Variants in LNPK observed in about 807,000 individuals in gnomAD.
The protein encoded by LNPK is lunapark, ER junction formation factor.
In LNPK, 29 loss-of-function variants were observed where a neutral mutation model predicts 55.2. The observed-to-expected ratio is 0.53, with a 90% CI of 0.39 to 0.72. The LOEUF (loss-of-function observed/expected upper bound fraction) is 0.72. Ranked by LOEUF, LNPK falls within the 30% of genes least tolerant of loss-of-function variation. The pLI is 0.00. For synonymous variants in LNPK, 162 were observed against 168.2 expected (o/e 0.96, Z 0.29); for missense variants, 467 against 494.8 (o/e 0.94, Z 0.53).
chr2:175,939,783 T>A, intron 9 of LNPK, 126 bp from the exon 10 acceptor site: 1 of 504,462 alleles, frequency 2.0e-6, no homozygotes, highest in Non-Finnish European at 3.5e-6. Context: ...AGCAAAATAC[T>A]AATTCTTATA....
At chr2:175,950,951 T>C (rs1252527529) in intron 8 of LNPK, among the ~76,000 whole-genome samples, 1 of 152,136 alleles carries the variant, frequency 6.6e-6, no homozygotes, top group Non-Finnish European at 1.5e-5. Flanking sequence ...ATTTACACAT[T>C]AAATGTTCCC....
At chr2:175,956,487 T>C (rs894680387) in intron 8 of LNPK, among the ~76,000 whole-genome samples, 2 of 152,058 alleles carry the variant, frequency 1.3e-5, no homozygotes, top group Non-Finnish European at 2.9e-5. Context: ...CTATAACCCA[T>C]TAATTATTAA....
intron 9 of LNPK, among the ~76,000 whole-genome samples, chr2:175,945,177 G>T (rs1365799094): frequency 6.6e-6 from 1 of 151,224 alleles, no homozygotes; most frequent in Non-Finnish European, 1.5e-5. Flanking sequence ...GGGATTACAG[G>T]CGTGAGCCAC....
chr2:175,958,128 G>A (rs1685792309), intron 8 of LNPK, among the ~76,000 whole-genome samples: 1 of 152,228 alleles, frequency 6.6e-6, no homozygotes, highest in African/African-American at 2.4e-5. Flanking sequence ...ACCTCTGGGG[G>A]CAGGGCATAG....
chr2:175,995,402 TA>T (rs1559077726), intron 2 of LNPK, among the ~76,000 whole-genome samples, 155 bp downstream of exon 2: 3 of 151,824 alleles, frequency 2.0e-5, no homozygotes, highest in Non-Finnish European at 1.5e-5. Context: ...AGTATTAAAA[TA>T]AAAAAATAGA....
At chr2:176,000,029 G>A (rs1376736446) in intron 1 of LNPK, among the ~76,000 whole-genome samples, 1 of 152,188 alleles carries the variant, frequency 6.6e-6, no homozygotes, top group Non-Finnish European at 1.5e-5. Context: ...GCCTCCCAAA[G>A]TGCTGAGATT....
intron 5 of LNPK, among the ~76,000 whole-genome samples, chr2:175,975,600 A>T (rs953549968): frequency 1.3e-5 from 2 of 152,238 alleles, no homozygotes; most frequent in African/African-American, 4.8e-5. Context: ...ATTGTAAACA[A>T]TCCAATTATA....
At chr2:175,968,152 C>T (rs143284012) in intron 6 of LNPK, among the ~76,000 whole-genome samples, 4 of 152,306 alleles carry the variant, frequency 2.6e-5, no homozygotes, top group African/African-American at 9.6e-5. Context: ...CAACATTAAC[C>T]TGTAACTCAG....
Position 175,964,376 on chromosome 2 carries a change from T to A in LNPK, c.489A>T (p.Gly163=), listed in dbSNP as rs1275984704. ...AGTTTCTACTAAGTTATTTACCTTGTCCAGGTCTTGCAGTTACAGCTGCTC... is the reference window on the plus strand; with the variant it reads ...AGTTTCTACTAAGTTATTTACCTTGACCAGGTCTTGCAGTTACAGCTGCTC... ...SAGAAVTARP[G]QEIRQRTAAQ... is the part of the protein sequence containing the mutation. The change falls in exon 8 of 13, where the codon GGA becomes GGT. Residue 163 remains glycine (G), a synonymous_variant. Transcript: ENST00000272748. 6.2e-7 allele frequency: 1 copy of A among 1,612,812 alleles called. No individual in the cohort carries two copies. The highest frequency in any genetic ancestry group is 1.3e-5 in the African/African-American group (1 of 74,916).
chr2:175,962,128 C>G (rs1284388812), intron 8 of LNPK, among the ~76,000 whole-genome samples: 1 of 152,134 alleles, frequency 6.6e-6, no homozygotes, highest in Non-Finnish European at 1.5e-5. Context: ...GACATACTGC[C>G]TAAGGTAATT....
At chr2:175,999,042 G>C (rs1486278890) in intron 1 of LNPK, among the ~76,000 whole-genome samples, 3 of 152,100 alleles carry the variant, frequency 2.0e-5, no homozygotes, top group Non-Finnish European at 4.4e-5. Context: ...TAGAGTGATA[G>C]TCATTAAATG....
chr2:175,991,170 T>C (rs1687682648), intron 4 of LNPK, among the ~76,000 whole-genome samples: 1 of 152,180 alleles, frequency 6.6e-6, no homozygotes, highest in Non-Finnish European at 1.5e-5. Context: ...TGGAAATATA[T>C]GTAAAGTGCA....
At chr2:175,980,964 TA>T (rs1687144591) in intron 4 of LNPK, among the ~76,000 whole-genome samples, 1 of 149,474 alleles carries the variant, frequency 6.7e-6, no homozygotes, top group South Asian at 2.1e-4. Flanking sequence ...TCTTAAAACA[TA>T]CATTGTATCT....
intron 4 of LNPK, among the ~76,000 whole-genome samples, chr2:175,990,692 A>C (rs1287057084): frequency 1.3e-5 from 2 of 152,044 alleles, no homozygotes; most frequent in Non-Finnish European, 2.9e-5. Context: ...ATGTTTTTTG[A>C]TTGTCATTGA....
At chr2:175,976,839 C>T (rs1209293742) in intron 5 of LNPK, among the ~76,000 whole-genome samples, 2 of 152,218 alleles carry the variant, frequency 1.3e-5, no homozygotes, top group Admixed American at 6.5e-5. Flanking sequence ...CCTCCTGGGT[C>T]TCCAGCTTGC....
At chr2:175,931,755 G>T (rs563230213) in intron 12 of LNPK, among the ~76,000 whole-genome samples, 163 of 152,266 alleles carry the variant, frequency 1.1e-3, no homozygotes, top group African/African-American at 3.7e-3. Flanking sequence ...TAAGTCACTT[G>T]AATTTTGTTA....
At chr2:175,964,235 T>A (rs971326125) in intron 8 of LNPK, 137 bp downstream of exon 8, 1 of 614,996 alleles carries the variant, frequency 1.6e-6, no homozygotes, top group Non-Finnish European at 2.9e-6. Context: ...CCCTAAGTCA[T>A]ATCCCAAATT....
chr2:175,993,657 G>A, intron 2 of LNPK, among the ~76,000 whole-genome samples: 1 of 152,094 alleles, frequency 6.6e-6, no homozygotes, highest in East Asian at 1.9e-4. Context: ...GCTGGGCGTG[G>A]TGGCATGCGC....
At chr2:175,944,327 A>G (rs556695872) in intron 9 of LNPK, among the ~76,000 whole-genome samples, 2 of 152,250 alleles carry the variant, frequency 1.3e-5, no homozygotes, top group African/African-American at 4.8e-5. Context: ...AGACAATATC[A>G]TAAGATACTA....
Sources: gnomAD v4.1 joint callset for allele counts (sites outside exome capture counted in the v4.1 genomes callset) on GRCh38, gnomAD v4.1.1 for gene constraint, MANE v1.5 for transcripts, NCBI Gene and HGNC (gene_info 2026-07-23, HGNC 2026-07-21) for gene names.